Variants in PPIL6 observed in about 807,000 individuals in gnomAD.
PPIL6 encodes the protein peptidylprolyl isomerase like 6, also known as probable inactive peptidyl-prolyl cis-trans isomerase-like 6.
PPIL6 carries 39 observed loss-of-function variants against 36.8 expected under a neutral mutation model. The ratio of observed to expected loss-of-function variants is 1.06; its 90% CI spans 0.82 to 1.38. The LOEUF is 1.38. PPIL6 is among the 40% of genes most tolerant of loss of function. The pLI is 0.00. For synonymous variants in PPIL6, 123 were observed against 134.1 expected, an observed-to-expected ratio of 0.92 and a Z score of 0.57; for missense variants, 368 against 379.1, an observed-to-expected ratio of 0.97 and a Z score of 0.24.
chr6:109,414,992 A>G (rs1289573561), intron 6 of PPIL6, among the ~76,000 whole-genome samples: 1 of 152,214 alleles, frequency 6.6e-6, no homozygotes, highest in Non-Finnish European at 1.5e-5. Context: ...AAGAGAAAAT[A>G]TATCTACTAT....
chr6:109,436,267 A>G (rs1774442425), intron 1 of PPIL6, 68 bp from the exon 2 acceptor site: 1 of 940,040 alleles, frequency 1.1e-6, no homozygotes, highest in South Asian at 1.4e-5. Flanking sequence ...ATGTTCCCCA[A>G]TTTTTACGGG....
chr6:109,418,608 AC>A (rs1293498711), intron 6 of PPIL6, among the ~76,000 whole-genome samples: 9 of 147,182 alleles, frequency 6.1e-5, no homozygotes, highest in African/African-American at 2.3e-4. Flanking sequence ...GTGCAGTGGC[AC>A]CATCTCAGCT....
At chr6:109,414,538 G>A (rs1269225935) in intron 6 of PPIL6, among the ~76,000 whole-genome samples, 6 of 130,330 alleles carry the variant, frequency 4.6e-5, no homozygotes, top group African/African-American at 3.0e-5. Flanking sequence ...AGGCTGGAGT[G>A]CAGTGGTGCA....
chr6:109,409,658 A>G (rs1406217362), intron 6 of PPIL6, among the ~76,000 whole-genome samples: 1 of 152,210 alleles, frequency 6.6e-6, no homozygotes, highest in Non-Finnish European at 1.5e-5. Flanking sequence ...ACAAAAGTCT[A>G]TTAGAACTGA....
intron 5 of PPIL6, among the ~76,000 whole-genome samples, chr6:109,426,306 A>G (rs1346065409): frequency 6.6e-6 from 1 of 152,218 alleles, no homozygotes; most frequent in African/African-American, 2.4e-5. Flanking sequence ...ACTATCCCCC[A>G]AAAGGCGCCC....
intron 7 of PPIL6, among the ~76,000 whole-genome samples, chr6:109,396,690 C>G (rs1273796171): frequency 1.3e-5 from 2 of 152,082 alleles, no homozygotes; most frequent in Non-Finnish European, 2.9e-5. Context: ...CCCCCTCCCC[C>G]AAACCCCTTC....
chr6:109,398,255 T>G (rs1291836431), intron 7 of PPIL6, among the ~76,000 whole-genome samples: 2 of 152,220 alleles, frequency 1.3e-5, no homozygotes, highest in African/African-American at 4.8e-5. Context: ...AGGGAAAACT[T>G]AAGACAAGTC....
chr6:109,431,823 A>G (rs1003810794), intron 2 of PPIL6, among the ~76,000 whole-genome samples: 3 of 152,234 alleles, frequency 2.0e-5, no homozygotes, highest in Non-Finnish European at 2.9e-5. Context: ...ATCAATGACA[A>G]TTCCTGACCA....
Position 109,405,268 on chromosome 6 carries a change from T to C in PPIL6, c.689-5098A>G, listed in dbSNP as rs116194974. Among the ~76,000 whole-genome samples, 1,063 of 152,334 alleles carry C rather than the reference T, an allele frequency of 7.0e-3. 14 individuals carry two copies. Among genetic ancestry groups the C allele is most frequent in the African/African-American group, 0.025 (1,031 of 41,582 alleles). On this transcript the variant is annotated intron_variant, in intron 6 of 7. Transcript: ENST00000521072. Reference sequence around the variant, plus strand: ...AAAGGAATCATTCCCCCGACTTTTATATAACCATGCACTTAATGTTTCCTT... The same window carrying C: ...AAAGGAATCATTCCCCCGACTTTTACATAACCATGCACTTAATGTTTCCTT...
intron 1 of PPIL6, chr6:109,440,169 G>A (rs745688814): frequency 2.6e-5 from 13 of 495,640 alleles, no homozygotes; most frequent in Non-Finnish European, 4.2e-5. Flanking sequence ...TGTGTGTCTC[G>A]GAGGGGATTA....
intron 6 of PPIL6, among the ~76,000 whole-genome samples, chr6:109,405,998 G>A (rs1265274033): frequency 3.9e-5 from 6 of 151,978 alleles, no homozygotes; most frequent in Non-Finnish European, 7.4e-5. Context: ...TAAACTCAGT[G>A]GTTTTTGTTG....
chr6:109,426,217 A>G (rs1773806474), intron 5 of PPIL6, among the ~76,000 whole-genome samples: 1 of 152,208 alleles, frequency 6.6e-6, no homozygotes, highest in South Asian at 2.1e-4. Flanking sequence ...AAACTTCTCC[A>G]TGTGTCATCG....
chr6:109,406,892 AT>A (rs1772818477), intron 6 of PPIL6, among the ~76,000 whole-genome samples: 1 of 152,174 alleles, frequency 6.6e-6, no homozygotes, highest in Admixed American at 6.5e-5. Flanking sequence ...CCCTCTTCAA[AT>A]TGGCTCCTGA....
At chr6:109,409,064 A>G (rs1772908154) in intron 6 of PPIL6, among the ~76,000 whole-genome samples, 1 of 152,252 alleles carries the variant, frequency 6.6e-6, no homozygotes, top group African/African-American at 2.4e-5. Flanking sequence ...GGATGGTTCA[A>G]TGTATGCAAA....
intron 2 of PPIL6, among the ~76,000 whole-genome samples, chr6:109,433,317 A>C (rs1774265186): frequency 6.6e-6 from 1 of 152,170 alleles, no homozygotes; most frequent in Non-Finnish European, 1.5e-5. Flanking sequence ...TCGGCCTCCC[A>C]AAGTGTTGGG....
At chr6:109,425,064 GAC>G (rs1773743797) in intron 5 of PPIL6, among the ~76,000 whole-genome samples, 1 of 152,162 alleles carries the variant, frequency 6.6e-6, no homozygotes, top group African/African-American at 2.4e-5. Context: ...ATGGGAACTG[GAC>G]ATCTGTAGGG....
At chr6:109,441,024 G>A (rs1020562071), upstream of PPIL6, 1 of 1,259,564 alleles carries the variant, frequency 7.9e-7, no homozygotes, top group Admixed American at 2.0e-5. Flanking sequence ...TGCGAAGAAG[G>A]AACGGTCTGG....
At chr6:109,395,656 G>A (rs1008421588) in intron 7 of PPIL6, among the ~76,000 whole-genome samples, 11 of 147,968 alleles carry the variant, frequency 7.4e-5, no homozygotes, top group Non-Finnish European at 1.5e-4. Context: ...CCAGGCTGGA[G>A]TACAGTGGCG....
intron 6 of PPIL6, among the ~76,000 whole-genome samples, chr6:109,416,150 T>C (rs1411598435): frequency 1.3e-5 from 2 of 151,672 alleles, no homozygotes. Context: ...TATTCCTTCC[T>C]GCCTTAAATG....
Sources: allele counts gnomAD v4.1 joint callset (sites outside exome capture counted in the v4.1 genomes callset), GRCh38; gene constraint gnomAD v4.1.1; transcripts MANE v1.5; gene names NCBI Gene and HGNC (gene_info 2026-07-23, HGNC 2026-07-21).